The following COL5A2 variants were observed in gnomAD, a reference collection of about 807,000 sequenced individuals.
COL5A2 encodes the protein collagen alpha-2(V) chain.
Under a neutral mutation model 208.2 loss-of-function variants are expected in COL5A2, and 23 were observed. The ratio of observed to expected loss-of-function variants is 0.11; its 90% CI spans 0.08 to 0.16. COL5A2 has a LOEUF of 0.16. COL5A2 is among the 10% of genes least tolerant of loss of function. The pLI is 1.00. For synonymous variants in COL5A2, 625 were observed against 628.5 expected (o/e 0.99, Z 0.08); for missense variants, 1,590 against 1,956.4 (o/e 0.81, Z 3.53).
chr2:189,124,445 A>G (rs1487206257), intron 1 of COL5A2, among the ~76,000 whole-genome samples: 1 of 152,156 alleles, frequency 6.6e-6, no homozygotes, highest in Non-Finnish European at 1.5e-5. Flanking sequence ...AGATTAGTTT[A>G]TAGGGCGCAG....
At chr2:189,433,314 C>A in the COL5A2 span, among the ~76,000 whole-genome samples, 2 of 152,026 alleles carry the variant, frequency 1.3e-5, no homozygotes, top group African/African-American at 4.8e-5. Flanking sequence ...TAGCAGAAGG[C>A]AAGAAATAAC....
chr2:189,103,125 T>C (rs1362394022), intron 3 of COL5A2, among the ~76,000 whole-genome samples: 1 of 152,092 alleles, frequency 6.6e-6, no homozygotes, highest in Non-Finnish European at 1.5e-5. Flanking sequence ...TGTCTATCCA[T>C]GCATCCATGC....
the COL5A2 span, among the ~76,000 whole-genome samples, chr2:189,383,261 CCT>C: frequency 5.9e-5 from 9 of 152,136 alleles, no homozygotes; most frequent in African/African-American, 2.2e-4. Flanking sequence ...TCTCCTGAGG[CCT>C]CTGTCTTTGG....
chr2:189,300,822 C>G, the COL5A2 span, among the ~76,000 whole-genome samples: 2 of 152,234 alleles, frequency 1.3e-5, no homozygotes, highest in African/African-American at 4.8e-5. Flanking sequence ...CAGATAGTCT[C>G]TCTAAAGACT....
intron 1 of COL5A2, among the ~76,000 whole-genome samples, chr2:189,118,592 T>G (rs1426671016): frequency 2.0e-5 from 3 of 152,136 alleles, no homozygotes; most frequent in Non-Finnish European, 2.9e-5. Context: ...TTGATCCCAT[T>G]CATTTCAGTA....
chr2:189,180,313 C>G (rs1018806198), upstream of COL5A2, among the ~76,000 whole-genome samples: 1 of 151,810 alleles, frequency 6.6e-6, no homozygotes, highest in Non-Finnish European at 1.5e-5. Flanking sequence ...CAGGTAAAGT[C>G]CAGGTTAGAA....
upstream of COL5A2, among the ~76,000 whole-genome samples, chr2:189,230,171 C>A (rs992532951): frequency 6.6e-6 from 1 of 151,640 alleles, no homozygotes; most frequent in Admixed American, 6.6e-5. Flanking sequence ...TAATACCATA[C>A]CCAAAAATCA....
intron 17 of COL5A2, among the ~76,000 whole-genome samples, chr2:189,073,349 T>G (rs1686328008): frequency 6.6e-6 from 1 of 152,182 alleles, no homozygotes; most frequent in African/African-American, 2.4e-5. Context: ...TGTGCTCAAT[T>G]ACTACATTAA....
At chr2:189,062,478 C>T (rs953870337) in intron 29 of COL5A2, among the ~76,000 whole-genome samples, 1 of 151,966 alleles carries the variant, frequency 6.6e-6, no homozygotes, top group African/African-American at 2.4e-5. Context: ...GCCACCATGC[C>T]CGGCCTTACA....
intron 1 of COL5A2, among the ~76,000 whole-genome samples, chr2:189,114,831 C>A (rs1334675588): frequency 6.6e-6 from 1 of 151,686 alleles, no homozygotes; most frequent in Non-Finnish European, 1.5e-5. Flanking sequence ...CAAACCTGCA[C>A]ATCCTCCACA....
intron 1 of COL5A2, among the ~76,000 whole-genome samples, chr2:189,128,274 T>C (rs1292695202): frequency 6.6e-6 from 1 of 151,930 alleles, no homozygotes; most frequent in Non-Finnish European, 1.5e-5. Context: ...TTGTAAAAAG[T>C]AGGTGGTATT....
In COL5A2 at chr2:189,086,779, C is replaced by G; in HGVS notation, c.646-9G>C. 1 of 1,577,000 alleles carries G rather than the reference C, an allele frequency of 6.3e-7. No individual in the cohort carries two copies. The highest frequency in any genetic ancestry group is 1.7e-4 in the Middle Eastern group (1 of 6,018). ...CTTGGGCCAACAGGACCCTTAAAAACAAATGAGGAGAAACGTTGCAAAGTA... is the reference window on the plus strand; with the variant it reads ...CTTGGGCCAACAGGACCCTTAAAAAGAAATGAGGAGAAACGTTGCAAAGTA... On this transcript the variant is annotated splice_polypyrimidine_tract_variant and intron_variant, in intron 8 of 53. Transcript: ENST00000374866.
intron 1 of COL5A2, among the ~76,000 whole-genome samples, chr2:189,117,403 TC>T (rs1357931954): frequency 6.6e-6 from 1 of 152,164 alleles, no homozygotes; most frequent in Non-Finnish European, 1.5e-5. Flanking sequence ...ATATTAATCC[TC>T]AGTGAATAAG....
chr2:189,213,462 C>A (rs912899710), intron 1 of COL5A2, among the ~76,000 whole-genome samples: 1 of 152,104 alleles, frequency 6.6e-6, no homozygotes, highest in South Asian at 2.1e-4. Flanking sequence ...GAAGAAAGAA[C>A]ACATCAGCTG....
the COL5A2 span, among the ~76,000 whole-genome samples, chr2:189,418,214 A>C: frequency 6.6e-6 from 1 of 152,212 alleles, no homozygotes; most frequent in Non-Finnish European, 1.5e-5. Context: ...CATTTTAATA[A>C]AAATTTGTTT....
At chr2:189,067,219 C>A (rs1489882620) in intron 21 of COL5A2, among the ~76,000 whole-genome samples, 1 of 152,106 alleles carries the variant, frequency 6.6e-6, no homozygotes, top group Non-Finnish European at 1.5e-5. Context: ...GAGAATTTAG[C>A]AACTTCAAAT....
At chr2:189,157,133 T>TATATATAGATATATCG (rs1688266949) in intron 1 of COL5A2, among the ~76,000 whole-genome samples, 1 of 82,840 alleles carries the variant, frequency 1.2e-5, no homozygotes, top group African/African-American at 3.7e-5. Flanking sequence ...TCTATCTATA[T>TATATATAGATATATCG]ATATATCTAT....
chr2:189,340,839 TAGC>T, the COL5A2 span, among the ~76,000 whole-genome samples: 4 of 152,250 alleles, frequency 2.6e-5, no homozygotes, highest in Non-Finnish European at 5.9e-5. Context: ...CCTGGTAACT[TAGC>T]AGCACAAGGA....
At chr2:189,319,152 T>C in the COL5A2 span, among the ~76,000 whole-genome samples, 1 of 152,278 alleles carries the variant, frequency 6.6e-6, no homozygotes, top group Middle Eastern at 3.4e-3. Flanking sequence ...TTTGAATAAA[T>C]TGTTAAAATA....
Sources: allele counts gnomAD v4.1 joint callset (sites outside exome capture counted in the v4.1 genomes callset), GRCh38; gene constraint gnomAD v4.1.1; transcripts MANE v1.5; gene names NCBI Gene and HGNC (gene_info 2026-07-23, HGNC 2026-07-21).